Variants in PASD1 observed in about 807,000 individuals in gnomAD.
PASD1 encodes the protein PAS domain containing repressor 1, also known as circadian clock protein PASD1.
A neutral mutation model predicts 58.8 loss-of-function variants in PASD1; 13 were observed. The observed-to-expected ratio is 0.22, with a 90% CI of 0.14 to 0.35. The LOEUF is 0.35. Among genes scored for constraint, PASD1 ranks in the 10% least tolerant of loss-of-function variants. The pLI is 1.00. For synonymous variants in PASD1, 236 were observed against 216.7 expected (o/e 1.09, Z -0.78); for missense variants, 734 against 568.3 (o/e 1.29, Z -2.96).
chrX:151,672,117 TTAAA>T, intron 13 of PASD1, 62 bp from the exon 14 acceptor site: 1 of 1,110,777 alleles, frequency 9.0e-7, no homozygotes, highest in Non-Finnish European at 1.2e-6. Context: ...AATGGGAGTG[TTAAA>T]TAAGTTTCTG....
intron 4 of PASD1, among the ~76,000 whole-genome samples, chrX:151,614,016 C>T (rs1438291075): frequency 1.8e-5 from 2 of 108,999 alleles, no homozygotes; most frequent in African/African-American, 6.7e-5. Context: ...TTGGGTCTCA[C>T]TCTTGTCACC....
chrX:151,579,263 A>G (rs2013052148), intron 1 of PASD1, among the ~76,000 whole-genome samples: 1 of 112,313 alleles, frequency 8.9e-6, no homozygotes, highest in African/African-American at 3.2e-5. Flanking sequence ...AAACCGGTAA[A>G]GGCTTCAAGT....
At chrX:151,576,026 A>T (rs867225795) in intron 1 of PASD1, among the ~76,000 whole-genome samples, 1 of 94,951 alleles carries the variant, frequency 1.1e-5, no homozygotes, top group Non-Finnish European at 2.1e-5. Context: ...ACCATACCTA[A>T]TTTTTTTTTT....
In PASD1 at chrX:151,623,065, G is replaced by C; in HGVS notation, c.546+1G>C. Reference sequence around the variant, plus strand: ...CATTCTCAGGACTCAGCTCCTGCAGGTGGGTATACTGTGTTTGTGCTTCCC... The same window carrying C: ...CATTCTCAGGACTCAGCTCCTGCAGCTGGGTATACTGTGTTTGTGCTTCCC... On this transcript the variant is annotated splice_donor_variant, in intron 7 of 15. Transcript: ENST00000370357. LOFTEE classifies it high-confidence loss of function. 8.3e-7 allele frequency: 1 copy of C among 1,209,580 alleles called. No individual in the cohort carries two copies.
intron 8 of PASD1, among the ~76,000 whole-genome samples, chrX:151,628,128 G>T (rs1409637795): frequency 1.8e-5 from 2 of 110,905 alleles, no homozygotes; most frequent in Non-Finnish European, 3.8e-5. Context: ...TGAGTAGATT[G>T]CAAAAATTTT....
chrX:151,607,613 G>A (rs1273173045), intron 3 of PASD1, among the ~76,000 whole-genome samples: 1 of 111,828 alleles, frequency 8.9e-6, no homozygotes, highest in Non-Finnish European at 1.9e-5. Context: ...ACCACACCTT[G>A]AAATAGTCTG....
intron 1 of PASD1, among the ~76,000 whole-genome samples, chrX:151,569,924 G>T (rs774826021): frequency 1.4e-4 from 16 of 111,416 alleles, no homozygotes; most frequent in African/African-American, 4.9e-4. Flanking sequence ...TTTTCACTCG[G>T]TGGTATATAT....
At chrX:151,566,257 A>G (rs1453515092) in intron 1 of PASD1, among the ~76,000 whole-genome samples, 1 of 112,415 alleles carries the variant, frequency 8.9e-6, no homozygotes, top group Middle Eastern at 4.2e-3. Context: ...TTGAGCTATA[A>G]TATGTGAATA....
intron 1 of PASD1, among the ~76,000 whole-genome samples, chrX:151,591,766 G>A (rs1569400815): frequency 9.0e-6 from 1 of 111,357 alleles, no homozygotes; most frequent in Non-Finnish European, 1.9e-5. Flanking sequence ...TGGATTTTGA[G>A]TGTGTGCTCT....
At chrX:151,628,958 G>A (rs2124278135) in intron 8 of PASD1, among the ~76,000 whole-genome samples, 1 of 111,342 alleles carries the variant, frequency 9.0e-6, no homozygotes, top group South Asian at 3.8e-4. Flanking sequence ...AAGCAATTGT[G>A]AATGAGAGTT....
intron 8 of PASD1, among the ~76,000 whole-genome samples, chrX:151,643,813 C>T (rs1262506283): frequency 9.0e-5 from 10 of 111,530 alleles, no homozygotes; most frequent in Non-Finnish European, 1.7e-4. Flanking sequence ...TGTTATAAAG[C>T]TTTATTTTCC....
intron 8 of PASD1, among the ~76,000 whole-genome samples, chrX:151,633,001 A>G (rs985879532): frequency 6.2e-5 from 7 of 112,429 alleles, no homozygotes; most frequent in Non-Finnish European, 1.9e-5. Context: ...TTACTAATCT[A>G]TGCAGACACC....
chrX:151,621,351 A>G, intron 5 of PASD1, 131 bp from the exon 6 acceptor site: 1 of 515,341 alleles, frequency 1.9e-6, no homozygotes, highest in Non-Finnish European at 3.2e-6. Flanking sequence ...GTAAGTGCTA[A>G]TGTTCGTGGA....
At chrX:151,650,889 G>A (rs1054494990) in intron 9 of PASD1, among the ~76,000 whole-genome samples, 7 of 111,254 alleles carry the variant, frequency 6.3e-5, no homozygotes, top group African/African-American at 2.3e-4. Context: ...ATTGAGGTGA[G>A]AGTATAGGGA....
Position 151,581,421 on chromosome X carries a change from T to G in PASD1, c.-28+17582T>G, listed in dbSNP as rs147982395. Reference sequence around the variant, plus strand: ...AGCCTGGGAAATATAGTAAAACCTATCTCTACAAAATTATAAAAATTAGCT... The same window carrying G: ...AGCCTGGGAAATATAGTAAAACCTAGCTCTACAAAATTATAAAAATTAGCT... On this transcript the variant is annotated intron_variant, in intron 1 of 15. Coordinates refer to ENST00000370357, the MANE Select transcript of PASD1 (RefSeq NM_173493.3). 3.1e-3 allele frequency among the ~76,000 whole-genome samples: 338 copies of G among 107,928 alleles called. 2 individuals carry two copies. Among genetic ancestry groups the G allele is most frequent in the African/African-American group, 0.011 (322 of 29,804 alleles). 93.7% of individuals were successfully genotyped at this position (107,928 alleles called of 115,157 possible).
At chrX:151,620,420 T>G (rs894653063) in intron 4 of PASD1, among the ~76,000 whole-genome samples, 1 of 84,123 alleles carries the variant, frequency 1.2e-5, no homozygotes, top group African/African-American at 3.6e-5. Flanking sequence ...GTAGATTTGG[T>G]GTCAGATGTT....
chrX:151,605,606 CT>C (rs1472139649), intron 3 of PASD1, among the ~76,000 whole-genome samples: 1 of 110,907 alleles, frequency 9.0e-6, no homozygotes, highest in East Asian at 2.8e-4. Context: ...CAGACTCTCA[CT>C]TTTTTTTGTG....
At chrX:151,602,848 C>G (rs1219655343) in intron 2 of PASD1, among the ~76,000 whole-genome samples, 1 of 112,142 alleles carries the variant, frequency 8.9e-6, no homozygotes, top group Non-Finnish European at 1.9e-5. Flanking sequence ...AACCCCTGGT[C>G]ATCCCACTGC....
chrX:151,658,932 T>A (rs978828317), intron 9 of PASD1, among the ~76,000 whole-genome samples: 1 of 112,052 alleles, frequency 8.9e-6, no homozygotes, highest in Non-Finnish European at 1.9e-5. Context: ...AATAGAAATA[T>A]TATGTATGTA....
Sources: allele counts gnomAD v4.1 joint callset (sites outside exome capture counted in the v4.1 genomes callset), GRCh38; gene constraint gnomAD v4.1.1; transcripts MANE v1.5; gene names NCBI Gene and HGNC (gene_info 2026-07-23, HGNC 2026-07-21).